ATP8B4: variants seen among roughly 807,000 people sequenced by gnomAD.
The protein encoded by ATP8B4 is probable phospholipid-transporting ATPase IM.
ATP8B4 carries 133 observed loss-of-function variants against 145.6 expected under a neutral mutation model. The observed-to-expected ratio is 0.91, with a 90% CI of 0.79 to 1.05. ATP8B4 has a LOEUF of 1.05. ATP8B4 is among the 50% of genes least tolerant of loss of function. The pLI is 0.00. For synonymous variants in ATP8B4, 507 were observed against 492.9 expected (o/e 1.03, Z -0.38); for missense variants, 1,458 against 1,425.2 (o/e 1.02, Z -0.37).
chr15:49,918,410 C>G (rs1368143774), intron 19 of ATP8B4, among the ~76,000 whole-genome samples: 1 of 152,172 alleles, frequency 6.6e-6, no homozygotes, highest in Non-Finnish European at 1.5e-5. Context: ...TTCCCATCAC[C>G]CTGACACTTC....
rs531991835 is a variant in ATP8B4, at chr15:50,014,543, A to G, written c.363-3626T>C. On this transcript the variant is annotated intron_variant, in intron 6 of 27. Coordinates refer to ENST00000284509, the MANE Select transcript of ATP8B4 (RefSeq NM_024837.4). The stretch of plus-strand genomic sequence containing the variant: ...TTACTGCATTCCAGGGACTGTACTG[A>G]TCCCTTCATGTATAGAGCGCCAAAT... 1.9e-3 allele frequency among the ~76,000 whole-genome samples: 283 copies of G among 152,294 alleles called. 1 individual carries two copies. Among genetic ancestry groups the G allele is most frequent in the African/African-American group, 6.6e-3 (276 of 41,576 alleles).
chr15:49,930,789 C>T (rs1210056432), intron 16 of ATP8B4, among the ~76,000 whole-genome samples: 1 of 151,958 alleles, frequency 6.6e-6, no homozygotes, highest in African/African-American at 2.4e-5. Flanking sequence ...TAGTTCCTAC[C>T]TTATTAGGAT....
chr15:50,152,810 C>T (rs2044363964), intron 1 of ATP8B4, among the ~76,000 whole-genome samples: 1 of 152,096 alleles, frequency 6.6e-6, no homozygotes, highest in African/African-American at 2.4e-5. Flanking sequence ...CTCAGTTTTC[C>T]CAAGTAATCA....
At chr15:50,181,077 C>T (rs2044840350) in intron 1 of ATP8B4, among the ~76,000 whole-genome samples, 1 of 152,200 alleles carries the variant, frequency 6.6e-6, no homozygotes, top group South Asian at 2.1e-4. Flanking sequence ...CTAAGCTTCC[C>T]TTTCTTGTCT....
At chr15:49,882,213 T>C (rs73396946) in intron 23 of ATP8B4, among the ~76,000 whole-genome samples, 7,376 of 152,102 alleles carry the variant, frequency 0.048, 630 homozygotes, top group African/African-American at 0.17. Flanking sequence ...ATTATCAACA[T>C]TCCCAAGGTA....
At chr15:49,879,354 T>C (rs761123684) in intron 24 of ATP8B4, 22 bp downstream of exon 24, 7 of 1,583,208 alleles carry the variant, frequency 4.4e-6, no homozygotes, top group South Asian at 1.1e-5. Flanking sequence ...AACTAAGTTA[T>C]AAAGATGGAA....
intron 3 of ATP8B4, among the ~76,000 whole-genome samples, chr15:50,066,669 A>G (rs2053403733): frequency 6.6e-6 from 1 of 152,168 alleles, no homozygotes; most frequent in Non-Finnish European, 1.5e-5. Flanking sequence ...ATGTGAAAAG[A>G]TTGATTTAAA....
chr15:49,948,070 C>A (rs1262057431), intron 14 of ATP8B4, among the ~76,000 whole-genome samples: 1 of 152,076 alleles, frequency 6.6e-6, no homozygotes, highest in Non-Finnish European at 1.5e-5. Flanking sequence ...ACAATGACTT[C>A]TTGCATAGAC....
chr15:50,040,605 A>G (rs2051201623), intron 5 of ATP8B4, among the ~76,000 whole-genome samples: 1 of 152,238 alleles, frequency 6.6e-6, no homozygotes, highest in Non-Finnish European at 1.5e-5. Context: ...TTAGTCATGT[A>G]AATCCCCTAA....
intron 14 of ATP8B4, among the ~76,000 whole-genome samples, chr15:49,943,636 C>T (rs370359056): frequency 2.6e-5 from 4 of 152,060 alleles, no homozygotes; most frequent in African/African-American, 4.8e-5. Context: ...CCTTCAAAAA[C>T]GAAAGAGAGA....
intron 3 of ATP8B4, 84 bp downstream of exon 3, chr15:50,074,043 T>C: frequency 8.1e-7 from 1 of 1,235,628 alleles, no homozygotes; most frequent in Non-Finnish European, 1.1e-6. Flanking sequence ...TTTGGTGAAG[T>C]CATAAAGTTC....
chr15:49,985,405 C>T (rs2046520188), intron 10 of ATP8B4, among the ~76,000 whole-genome samples: 1 of 152,146 alleles, frequency 6.6e-6, no homozygotes, highest in African/African-American at 2.4e-5. Context: ...AGATATTTTT[C>T]ATTAGACCTA....
At chr15:49,977,072 T>C (rs1015207977) in intron 12 of ATP8B4, among the ~76,000 whole-genome samples, 1 of 152,098 alleles carries the variant, frequency 6.6e-6, no homozygotes, top group African/African-American at 2.4e-5. Flanking sequence ...ACTGACAACA[T>C]AGAAATATCC....
intron 1 of ATP8B4, among the ~76,000 whole-genome samples, chr15:50,126,975 T>G (rs573238237): frequency 6.6e-6 from 1 of 152,302 alleles, no homozygotes; most frequent in South Asian, 2.1e-4. Flanking sequence ...AATTTCTTCC[T>G]GAGGGGCCTG....
At chr15:50,181,586 C>T (rs925542968) in intron 1 of ATP8B4, among the ~76,000 whole-genome samples, 2 of 152,214 alleles carry the variant, frequency 1.3e-5, no homozygotes, top group South Asian at 4.1e-4. Flanking sequence ...AGGACTCCCC[C>T]GACCAGGCAG....
intron 6 of ATP8B4, among the ~76,000 whole-genome samples, chr15:50,037,751 T>A (rs1399730286): frequency 6.6e-6 from 1 of 152,234 alleles, no homozygotes; most frequent in African/African-American, 2.4e-5. Context: ...CAAGGCTCTG[T>A]CTCTACAACT....
At chr15:50,085,956 T>A (rs1343437159) in intron 2 of ATP8B4, among the ~76,000 whole-genome samples, 1 of 27,964 alleles carries the variant, frequency 3.6e-5, no homozygotes, top group South Asian at 1.0e-3. Flanking sequence ...ATATATATCA[T>A]ATATATTTAT....
At chr15:49,891,207 A>G (rs2036755181) in intron 23 of ATP8B4, among the ~76,000 whole-genome samples, 1 of 151,800 alleles carries the variant, frequency 6.6e-6, no homozygotes, top group Non-Finnish European at 1.5e-5. Context: ...ATATTCATAC[A>G]CTTGCTTGCA....
intron 3 of ATP8B4, among the ~76,000 whole-genome samples, chr15:50,057,343 T>A (rs1049510463): frequency 6.6e-6 from 1 of 152,162 alleles, no homozygotes; most frequent in Non-Finnish European, 1.5e-5. Flanking sequence ...AACTGAGGCT[T>A]TGAACAGTTG....
Sources: allele counts gnomAD v4.1 joint callset (sites outside exome capture counted in the v4.1 genomes callset), GRCh38; gene constraint gnomAD v4.1.1; transcripts MANE v1.5; gene names NCBI Gene and HGNC (gene_info 2026-07-23, HGNC 2026-07-21).